SMARCA2: variants seen among roughly 807,000 people sequenced by gnomAD.
SMARCA2 encodes the protein SWI/SNF-related matrix-associated actin-dependent regulator of chromatin subfamily A member 2.
A neutral mutation model predicts 199.8 loss-of-function variants in SMARCA2; 61 were observed. The ratio of observed to expected loss-of-function variants is 0.31; its 90% CI spans 0.25 to 0.38. The LOEUF is 0.38. SMARCA2 is among the 10% of genes least tolerant of loss of function. The pLI is 1.00. For synonymous variants in SMARCA2, 935 were observed against 732.0 expected (o/e 1.28, Z -4.48); for missense variants, 1,344 against 2,012.2 (o/e 0.67, Z 6.35).
chr9:2,043,819 G>C (rs1364883312), intron 4 of SMARCA2: 1 of 152,222 alleles, frequency 6.6e-6, no homozygotes, highest in Non-Finnish European at 1.5e-5. Context: ...CCGCTTAGCT[G>C]CGCTGGGACT....
At chr9:2,147,711 T>G (rs971211983) in intron 27 of SMARCA2, among the ~76,000 whole-genome samples, 2 of 146,242 alleles carry the variant, frequency 1.4e-5, no homozygotes, top group South Asian at 4.2e-4. Context: ...CGGGGCGTGG[T>G]GGGCGGGCAC....
In SMARCA2 at chr9:2,086,377, A is replaced by G. The variant is rs1211574477; in HGVS notation, c.2527-452A>G. 6.6e-6 allele frequency among the ~76,000 whole-genome samples: 1 copy of G among 152,234 alleles called. No individual in the cohort carries two copies. Among genetic ancestry groups the G allele is most frequent in the African/African-American group, 2.4e-5 (1 of 41,466 alleles). On this transcript the variant is annotated intron_variant, in intron 17 of 33. Transcript: ENST00000349721. The surrounding 1 kb of genome is among the most constrained non-coding windows in gnomAD (Gnocchi z 4.3). Reference sequence around the variant, plus strand: ...GAATATCTCAGCTGTAGAACCTGCTAGGGCCATCTTGGAAAAATCAGTCAT... The same window carrying G: ...GAATATCTCAGCTGTAGAACCTGCTGGGGCCATCTTGGAAAAATCAGTCAT...
chr9:2,077,641 A>T lies in SMARCA2; in HGVS notation c.2049A>T (p.Gln683His). Residue 683 changes from glutamine to histidine, a missense_variant, in exon 14 of 34, where the codon CAA becomes CAT. By Grantham distance (24) the Gln-to-His change is conservative. Around this residue, in one of 18 missense-constraint regions of SMARCA2, gnomAD observed 106 missense variants for 179.7 expected, o/e 0.59. Transcript: ENST00000349721. ...TTTCCTTTCCCAGGACAGCTAAGCA[A>T]GACGTGGATGATGAATACAGCATGC... ...DAKQIIETAK[Q>H]DVDDEYSMQY... 2 of 1,613,852 alleles carry T rather than the reference A, an allele frequency of 1.2e-6. No homozygotes were observed. Among genetic ancestry groups the T allele is most frequent in the Non-Finnish European group, 1.7e-6 (2 of 1,179,766 alleles).
chr9:2,092,052 G>T (rs866001355), intron 19 of SMARCA2, among the ~76,000 whole-genome samples: 1 of 152,058 alleles, frequency 6.6e-6, no homozygotes, highest in African/African-American at 2.4e-5. Flanking sequence ...CATTTCTTAT[G>T]CACGGGAAAG....
At chr9:2,151,345 T>C (rs1563805394) in intron 27 of SMARCA2, among the ~76,000 whole-genome samples, 1 of 151,462 alleles carries the variant, frequency 6.6e-6, no homozygotes, top group East Asian at 1.9e-4. Flanking sequence ...GTAGTAGTAA[T>C]GAAGGAAGTG....
At chr9:2,162,425 C>G (rs1825730992) in intron 28 of SMARCA2, among the ~76,000 whole-genome samples, 2 of 152,166 alleles carry the variant, frequency 1.3e-5, no homozygotes, top group Non-Finnish European at 2.9e-5. Context: ...ATAGCATGGT[C>G]TTTCAGCAAA....
intron 29 of SMARCA2, among the ~76,000 whole-genome samples, chr9:2,176,727 A>ATTT (rs71491991): frequency 8.8e-5 from 13 of 147,580 alleles, no homozygotes; most frequent in African/African-American, 3.2e-4. Flanking sequence ...TAAGTTTTGT[A>ATTT]TTTTTTTTTT....
intron 3 of SMARCA2, among the ~76,000 whole-genome samples, chr9:2,036,244 A>G (rs1819326908): frequency 1.3e-5 from 2 of 151,878 alleles, no homozygotes; most frequent in Admixed American, 6.6e-5. Context: ...TAGAATTGGC[A>G]CTTAGAAGTT....
At chr9:2,061,884 T>G (rs1341004771) in intron 9 of SMARCA2, among the ~76,000 whole-genome samples, 1 of 152,242 alleles carries the variant, frequency 6.6e-6, no homozygotes, top group African/African-American at 2.4e-5. Flanking sequence ...AATAAATGAT[T>G]AAGAAGGCAC....
intron 29 of SMARCA2, among the ~76,000 whole-genome samples, chr9:2,180,437 G>A (rs1201915986): frequency 6.6e-6 from 1 of 152,130 alleles, no homozygotes; most frequent in Non-Finnish European, 1.5e-5. Flanking sequence ...ATACAACTGG[G>A]ACTGTGGATT....
At chr9:2,120,027 T>C (rs1275908200) in intron 26 of SMARCA2, among the ~76,000 whole-genome samples, 1 of 152,196 alleles carries the variant, frequency 6.6e-6, no homozygotes, top group Non-Finnish European at 1.5e-5. Context: ...CTTAGGGAGA[T>C]AGGTGGACAA....
intron 24 of SMARCA2, among the ~76,000 whole-genome samples, chr9:2,111,564 G>A (rs970285293): frequency 3.3e-5 from 5 of 151,368 alleles, no homozygotes; most frequent in Non-Finnish European, 7.4e-5. Flanking sequence ...TTCTACATCA[G>A]CTTTTCCTAG....
chr9:2,189,017 G>A (rs568712427), intron 32 of SMARCA2, among the ~76,000 whole-genome samples: 19 of 152,182 alleles, frequency 1.2e-4, no homozygotes, highest in African/African-American at 4.3e-4. Context: ...TCTCTTTTGC[G>A]TCTTCCTCTT....
intron 1 of SMARCA2, among the ~76,000 whole-genome samples, chr9:2,023,021 A>C (rs765838865): frequency 6.6e-6 from 1 of 152,144 alleles, no homozygotes; most frequent in Non-Finnish European, 1.5e-5. Context: ...TTTTCTCGTA[A>C]ATTCCCTTTT....
At position 2,073,732 on chromosome 9, in the gene SMARCA2, A is replaced by G. The variant is rs2130428434; in HGVS notation, c.1935+109A>G. The G allele has an allele frequency of 8.8e-6, 7 of 797,548 alleles. No homozygotes were observed. The East Asian group carries it at 1.3e-4, about 15-fold the overall frequency. The allele number at this position is 797,548 out of a possible 1,614,324, so 49.4% of individuals were successfully genotyped here. A position where few individuals can be genotyped will look rare whatever the true frequency, so the allele number is the denominator to read the frequency against. On this transcript the variant is annotated intron_variant, in intron 12 of 33. Coordinates refer to ENST00000349721, the MANE Select transcript of SMARCA2 (RefSeq NM_003070.5). ...GGGTCCTTCTATCATTTCTTCCTCC[A>G]GGATTGGCCTTTGGGTGACAGCTGG... is the stretch of plus-strand genomic sequence containing the variant.
intron 27 of SMARCA2, among the ~76,000 whole-genome samples, chr9:2,137,143 A>T (rs1446916751): frequency 6.6e-6 from 1 of 152,198 alleles, no homozygotes; most frequent in Non-Finnish European, 1.5e-5. Flanking sequence ...ACCTTTGAGA[A>T]AAGAAAGATT....
intron 19 of SMARCA2, among the ~76,000 whole-genome samples, chr9:2,096,338 A>T (rs1179264964): frequency 6.6e-6 from 1 of 152,228 alleles, no homozygotes; most frequent in Non-Finnish European, 1.5e-5. Flanking sequence ...AATATCCCAT[A>T]TTGAACATTT....
At chr9:2,152,815 G>A (rs1242216408) in intron 27 of SMARCA2, among the ~76,000 whole-genome samples, 1 of 152,054 alleles carries the variant, frequency 6.6e-6, no homozygotes, top group Non-Finnish European at 1.5e-5. Context: ...TCACGCCACT[G>A]CACTCCAGCC....
At chr9:2,121,452 T>G (rs1281996151) in intron 26 of SMARCA2, among the ~76,000 whole-genome samples, 1 of 152,208 alleles carries the variant, frequency 6.6e-6, no homozygotes, top group Non-Finnish European at 1.5e-5. Flanking sequence ...ACCGGCCGCC[T>G]TTGGCCAATT....
Sources: gnomAD v4.1 joint callset for allele counts (sites outside exome capture counted in the v4.1 genomes callset) on GRCh38, gnomAD v4.1.1 for gene constraint, gnomAD v4.1.1 regional missense constraint, Gnocchi (gnomAD v3.1) non-coding constraint, MANE v1.5 for transcripts, NCBI Gene and HGNC (gene_info 2026-07-23, HGNC 2026-07-21) for gene names.